The following TNKS variants were observed in gnomAD, a reference collection of about 807,000 sequenced individuals.
The protein encoded by TNKS is tankyrase.
In TNKS, 72 loss-of-function variants were observed where a neutral mutation model predicts 135.8. The observed-to-expected ratio is 0.53, with a 90% CI of 0.44 to 0.64. TNKS has a LOEUF of 0.64. Among genes scored for constraint, TNKS ranks in the 30% least tolerant of loss-of-function variants. TNKS has a pLI of 0.00. For missense variants in TNKS, 1,769 were observed against 1,674.0 expected, an observed-to-expected ratio of 1.06 and a Z score of -0.99; for synonymous variants, 849 against 649.3, an observed-to-expected ratio of 1.31 and a Z score of -4.68.
intron 20 of TNKS, among the ~76,000 whole-genome samples, chr8:9,756,952 A>G (rs1199760034): frequency 6.6e-6 from 1 of 151,622 alleles, no homozygotes; most frequent in Non-Finnish European, 1.5e-5. Flanking sequence ...CCTTTGGTAT[A>G]CTTTTTTTGT....
intron 12 of TNKS, among the ~76,000 whole-genome samples, chr8:9,721,214 G>A (rs930527939): frequency 8.7e-5 from 13 of 149,354 alleles, no homozygotes; most frequent in African/African-American, 2.9e-4. Context: ...CGCGGGAGGC[G>A]GAGGTTGCAG....
chr8:9,686,424 G>C (rs1235454982), intron 5 of TNKS, among the ~76,000 whole-genome samples: 1 of 152,168 alleles, frequency 6.6e-6, no homozygotes, highest in Non-Finnish European at 1.5e-5. Context: ...ACCACATAGA[G>C]CTGAAGACCT....
At chr8:9,687,312 A>G (rs994368465) in intron 5 of TNKS, among the ~76,000 whole-genome samples, 2 of 152,214 alleles carry the variant, frequency 1.3e-5, no homozygotes, top group African/African-American at 2.4e-5. Flanking sequence ...GTTCAATTAT[A>G]TATCTAATCA....
chr8:9,765,213 A>G (rs542026257), intron 23 of TNKS, among the ~76,000 whole-genome samples: 2 of 152,352 alleles, frequency 1.3e-5, no homozygotes, highest in Admixed American at 6.5e-5. Flanking sequence ...AATTTATAAT[A>G]TGGAACAGAT....
chr8:9,741,559 T>G lies in TNKS; in HGVS notation c.2643+6073T>G, dbSNP rs187184876. On this transcript the variant is annotated intron_variant, in intron 17 of 26. Coordinates refer to ENST00000310430, the MANE Select transcript of TNKS (RefSeq NM_003747.3). ...TCTCATGGGATAGCGTTAAGATGTGTTCTACTGCATTAGTCTTCACCTTGC... is the reference window on the plus strand; with the variant it reads ...TCTCATGGGATAGCGTTAAGATGTGGTCTACTGCATTAGTCTTCACCTTGC... The G allele has an allele frequency of 2.6e-5, 7 of 267,232 alleles. No homozygotes were observed. The Admixed American group carries it at 2.7e-4, about 10-fold the overall frequency. 16.6% of individuals were successfully genotyped at this position (267,232 alleles called of 1,614,324 possible).
At chr8:9,693,764 G>A (rs1229657694) in intron 5 of TNKS, among the ~76,000 whole-genome samples, 1 of 152,180 alleles carries the variant, frequency 6.6e-6, no homozygotes, top group Non-Finnish European at 1.5e-5. Flanking sequence ...ATGGTACATT[G>A]AACAATCTTA....
At chr8:9,717,705 T>A (rs542847446) in intron 11 of TNKS, among the ~76,000 whole-genome samples, 11 of 152,300 alleles carry the variant, frequency 7.2e-5, no homozygotes, top group Non-Finnish European at 1.2e-4. Context: ...TTGAATTTGA[T>A]CAAGATCCTT....
chr8:9,769,290 A>G (rs1807656235), intron 25 of TNKS, among the ~76,000 whole-genome samples: 1 of 152,202 alleles, frequency 6.6e-6, no homozygotes, highest in Non-Finnish European at 1.5e-5. Flanking sequence ...TGGTGTATAT[A>G]ATAGACTTTC....
Position 9,749,153 on chromosome 8 carries a change from T to C in TNKS, c.2832+941T>C, listed in dbSNP as rs1469483625. Among the ~76,000 whole-genome samples, 4 of 152,250 alleles carry C rather than the reference T, an allele frequency of 2.6e-5. No homozygotes were observed. The East Asian group carries it at 7.7e-4, about 29-fold the overall frequency. Reference sequence around the variant, plus strand: ...ATGAAGTCAGCTCAGGTTCAAGGGATAGGAAAACAGATTCCACCTTCTTTG... The same window carrying C: ...ATGAAGTCAGCTCAGGTTCAAGGGACAGGAAAACAGATTCCACCTTCTTTG... On this transcript the variant is annotated intron_variant, in intron 18 of 26. Transcript: ENST00000310430.
chr8:9,754,773 C>T (rs1483113945), intron 20 of TNKS, among the ~76,000 whole-genome samples: 1 of 152,148 alleles, frequency 6.6e-6, no homozygotes, highest in African/African-American at 2.4e-5. Context: ...TACAGTGATG[C>T]ATCACAGGTG....
intron 5 of TNKS, 93 bp downstream of exon 5, chr8:9,680,893 G>A (rs1802753863): frequency 1.2e-6 from 1 of 862,600 alleles, no homozygotes; most frequent in South Asian, 1.7e-5. Flanking sequence ...TACCTACATG[G>A]CTTTATTTTA....
chr8:9,631,494 A>G (rs1440272017), intron 3 of TNKS, among the ~76,000 whole-genome samples: 3 of 152,232 alleles, frequency 2.0e-5, no homozygotes, highest in Admixed American at 1.3e-4. Context: ...AAAATTTACT[A>G]AAAACTAAAC....
chr8:9,572,114 G>C (rs140541058), intron 1 of TNKS, among the ~76,000 whole-genome samples: 86 of 152,260 alleles, frequency 5.6e-4, no homozygotes, highest in African/African-American at 1.8e-3. Flanking sequence ...GCTCACACAC[G>C]TACTACTGAA....
intron 26 of TNKS, among the ~76,000 whole-genome samples, chr8:9,772,115 T>C (rs764071632): frequency 6.7e-4 from 88 of 132,260 alleles, no homozygotes; most frequent in Non-Finnish European, 1.2e-3. Context: ...GAAGGACGGG[T>C]GGAGGGAGGG....
At position 9,611,546 on chromosome 8, in the gene TNKS, G is replaced by A. The variant is rs1018234628; in HGVS notation, c.899-4036G>A. 5.9e-5 allele frequency among the ~76,000 whole-genome samples: 9 copies of A among 152,168 alleles called. No homozygotes were observed. In the East Asian group the frequency reaches 1.7e-3, roughly 29 times the overall value. Reference sequence around the variant, plus strand: ...TTTCTAATTTTATTTTGTGTTAATAGTCACATTTTATTTTTCTTTTTAATG... The same window carrying A: ...TTTCTAATTTTATTTTGTGTTAATAATCACATTTTATTTTTCTTTTTAATG... On this transcript the variant is annotated intron_variant, in intron 2 of 26. Transcript: ENST00000310430.
chr8:9,697,489 T>A (rs2128804353), intron 5 of TNKS, among the ~76,000 whole-genome samples: 1 of 152,110 alleles, frequency 6.6e-6, no homozygotes, highest in Middle Eastern at 3.4e-3. Context: ...CAAAAGAAAC[T>A]ACCAGCAGAG....
chr8:9,588,705 A>G (rs1798481847), intron 2 of TNKS, among the ~76,000 whole-genome samples: 2 of 152,142 alleles, frequency 1.3e-5, no homozygotes, highest in African/African-American at 4.8e-5. Flanking sequence ...AATTCCTGTG[A>G]CTTTGGGCAG....
intron 3 of TNKS, among the ~76,000 whole-genome samples, chr8:9,631,980 T>G (rs2128772022): frequency 6.6e-6 from 1 of 152,316 alleles, no homozygotes; most frequent in Non-Finnish European, 1.5e-5. Context: ...AATTCTTCAT[T>G]AAAACCTTTG....
At chr8:9,572,396 A>G (rs887708113) in intron 1 of TNKS, among the ~76,000 whole-genome samples, 2 of 152,210 alleles carry the variant, frequency 1.3e-5, no homozygotes, top group East Asian at 3.9e-4. Context: ...TTGGCACTCC[A>G]TGAATATATT....
Sources: gnomAD v4.1 joint callset for allele counts (sites outside exome capture counted in the v4.1 genomes callset) on GRCh38, gnomAD v4.1.1 for gene constraint, MANE v1.5 for transcripts, NCBI Gene and HGNC (gene_info 2026-07-23, HGNC 2026-07-21) for gene names.